Variants in GPHN observed in about 807,000 individuals in gnomAD.
GPHN encodes the protein gephyrin.
Under a neutral mutation model 95.5 loss-of-function variants are expected in GPHN, and 17 were observed. That is an observed-to-expected ratio of 0.18 (90% CI 0.12 to 0.27). The LOEUF is 0.27. Among genes scored for constraint, GPHN ranks in the 10% least tolerant of loss-of-function variants. The probability of loss-of-function intolerance (pLI) is 1.00; values close to 1 mark genes in which losing one functional copy is unlikely to be tolerated. For missense variants in GPHN, 660 were observed against 978.1 expected (o/e 0.67, Z 4.34); for synonymous variants, 320 against 322.5 (o/e 0.99, Z 0.08).
chr14:67,430,593 C>T, the GPHN span, among the ~76,000 whole-genome samples: 1 of 152,064 alleles, frequency 6.6e-6, no homozygotes, highest in Non-Finnish European at 1.5e-5. Context: ...CAACTGGTGT[C>T]AATGGCATCA....
intron 2 of GPHN, among the ~76,000 whole-genome samples, chr14:66,690,003 C>T (rs928681477): frequency 6.6e-6 from 1 of 151,690 alleles, no homozygotes; most frequent in Non-Finnish European, 1.5e-5. Flanking sequence ...ATAAAACCAA[C>T]TTTTTGACTT....
At chr14:67,624,277 GTGT>G in the GPHN span, among the ~76,000 whole-genome samples, 31,089 of 151,992 alleles carry the variant, frequency 0.2, 3,916 homozygotes, top group African/African-American at 0.35. Context: ...TGGGAAATCT[GTGT>G]TGTTTTAAAA....
chr14:67,403,248 T>C, the GPHN span, among the ~76,000 whole-genome samples: 1 of 152,252 alleles, frequency 6.6e-6, no homozygotes, highest in Non-Finnish European at 1.5e-5. Flanking sequence ...TCAAATCTTT[T>C]GCCCATTTTG....
chr14:67,574,499 G>A, the GPHN span: 36 of 1,010,100 alleles, frequency 3.6e-5, no homozygotes, highest in Middle Eastern at 3.4e-4. This position sits in a 1 kb window ranked among gnomAD's most constrained non-coding sequence, Gnocchi z 4.2. Context: ...CCCCTTATAC[G>A]GGGCTCCTTT....
At chr14:67,422,037 G>A in the GPHN span, among the ~76,000 whole-genome samples, 2 of 152,100 alleles carry the variant, frequency 1.3e-5, no homozygotes, top group Non-Finnish European at 2.9e-5. Context: ...GGGAGAGATT[G>A]CCTCTCTCAG....
At chr14:67,557,301 C>T in the GPHN span, 1 of 1,613,572 alleles carries the variant, frequency 6.2e-7, no homozygotes, top group Non-Finnish European at 8.5e-7. Context: ...TAAAACTATC[C>T]AATCTGAAGA....
intron 1 of GPHN, among the ~76,000 whole-genome samples, chr14:66,650,275 A>G (rs1490107625): frequency 2.0e-5 from 3 of 152,196 alleles, no homozygotes; most frequent in Non-Finnish European, 4.4e-5. Flanking sequence ...GCCCTGCATT[A>G]GAAGACAAGC....
At chr14:67,074,911 C>CTTCT (rs2076437635) in intron 11 of GPHN, among the ~76,000 whole-genome samples, 1 of 152,228 alleles carries the variant, frequency 6.6e-6, no homozygotes, top group Non-Finnish European at 1.5e-5. Flanking sequence ...TATAACAATG[C>CTTCT]AAGGTGAAGC....
intron 12 of GPHN, among the ~76,000 whole-genome samples, chr14:67,097,900 A>ATGT (rs2077481214): frequency 2.6e-5 from 4 of 152,204 alleles, no homozygotes; most frequent in Admixed American, 6.5e-5. Flanking sequence ...ACATATAAAT[A>ATGT]TACATACATA....
At chr14:67,196,170 A>G in the GPHN span, among the ~76,000 whole-genome samples, 16 of 151,162 alleles carry the variant, frequency 1.1e-4, no homozygotes, top group Admixed American at 9.2e-4. Context: ...AGCCTCTGAC[A>G]AGTTTCATAC....
chr14:67,034,232 A>T (rs1013390540), intron 10 of GPHN, among the ~76,000 whole-genome samples: 4 of 152,188 alleles, frequency 2.6e-5, no homozygotes, highest in Admixed American at 2.6e-4. Flanking sequence ...GTGGGGATGG[A>T]AAATGTAAAT....
chr14:67,364,780 A>C, the GPHN span: 27 of 1,613,092 alleles, frequency 1.7e-5, no homozygotes, highest in Admixed American at 4.0e-4. Flanking sequence ...GCCGGGTCTA[A>C]GTTGTAGATT....
chr14:66,678,212 A>G (rs1486449096), intron 1 of GPHN, among the ~76,000 whole-genome samples: 1 of 152,052 alleles, frequency 6.6e-6, no homozygotes, highest in South Asian at 2.1e-4. Context: ...TCCTTCTATA[A>G]TTCACAAAAT....
At chr14:67,434,965 TC>T in the GPHN span, among the ~76,000 whole-genome samples, 1 of 143,856 alleles carries the variant, frequency 7.0e-6, no homozygotes, top group African/African-American at 2.8e-5. Context: ...TCCTCTTCTC[TC>T]TCTCTTTTTT....
At chr14:67,590,118 TCTCCTGGCAG>T in the GPHN span, 2 of 1,550,198 alleles carry the variant, frequency 1.3e-6, no homozygotes, top group Non-Finnish European at 1.7e-6. Context: ...TGTGCCAGGA[TCTCCTGGCAG>T]CTCCTGTATA....
intron 17 of GPHN, among the ~76,000 whole-genome samples, chr14:67,138,839 T>G (rs1025343148): frequency 6.6e-6 from 1 of 151,528 alleles, no homozygotes; most frequent in African/African-American, 2.4e-5. Context: ...TGCAGTTTTC[T>G]GCTGGTTACC....
intron 1 of GPHN, among the ~76,000 whole-genome samples, chr14:66,663,917 A>G (rs186325332): frequency 6.6e-6 from 1 of 152,350 alleles, no homozygotes; most frequent in African/African-American, 2.4e-5. Flanking sequence ...GGTTCAATTC[A>G]ACAAGAAGAA....
intron 1 of GPHN, among the ~76,000 whole-genome samples, chr14:66,542,063 A>T (rs562760855): frequency 3.9e-5 from 6 of 152,098 alleles, no homozygotes; most frequent in Non-Finnish European, 8.8e-5. Context: ...TGCATTCTCA[A>T]CTTCCTTGCA....
Position 67,172,703 on chromosome 14 carries a change from G to C in GPHN, c.2079+3667G>C, listed in dbSNP as rs139753229. Among the ~76,000 whole-genome samples the C allele has an allele frequency of 8.6e-3, 1,314 of 152,234 alleles. 17 individuals are homozygous for C. Among genetic ancestry groups the C allele is most frequent in the African/African-American group, 0.028 (1,182 of 41,524 alleles). On this transcript the variant is annotated intron_variant, in intron 21 of 22. Coordinates refer to ENST00000478722, the MANE Select transcript of GPHN (RefSeq NM_020806.5). ...AGACTACCCCCCTAGTGTCTGAGCA[G>C]CTGAGAAACACCTCTTCCTAGGAAG...
Sources: allele counts gnomAD v4.1 joint callset (sites outside exome capture counted in the v4.1 genomes callset), GRCh38; gene constraint gnomAD v4.1.1; non-coding constraint Gnocchi (gnomAD v3.1); transcripts MANE v1.5; gene names NCBI Gene and HGNC (gene_info 2026-07-23, HGNC 2026-07-21).